The following SS18L1 variants were observed in gnomAD, a reference collection of about 807,000 sequenced individuals.
SS18L1 encodes the protein SS18L1 subunit of BAF chromatin remodeling complex.
SS18L1 carries 32 observed loss-of-function variants against 70.3 expected under a neutral mutation model. The observed-to-expected ratio is 0.46, with a 90% CI of 0.34 to 0.61. The LOEUF (loss-of-function observed/expected upper bound fraction) is 0.61, where lower values mean the gene tolerates loss of function less well. SS18L1 is among the 20% of genes least tolerant of loss of function. The pLI, the probability that SS18L1 is intolerant of heterozygous loss-of-function variation, is 0.01. For missense variants in SS18L1, 430 were observed against 542.1 expected (o/e 0.79, Z 2.05); for synonymous variants, 237 against 229.7 (o/e 1.03, Z -0.29).
intron 10 of SS18L1, chr20:62,175,370 C>T: frequency 1.0e-6 from 1 of 985,358 alleles, no homozygotes; most frequent in Non-Finnish European, 1.2e-6. Context: ...TGGGATGGGG[C>T]CCCTGGAGGA....
Position 62,159,011 on chromosome 20 carries a change from G to A in SS18L1, c.146+263G>A, listed in dbSNP as rs1274197036. 18 of 1,497,164 alleles carry A rather than the reference G, an allele frequency of 1.2e-5. No individual in the cohort carries two copies. The highest frequency in any genetic ancestry group is 8.9e-5 in the Admixed American group (5 of 56,072). 92.7% of individuals were successfully genotyped at this position (1,497,164 alleles called of 1,614,324 possible). ...GTCCCGAGAGTCCCCCAGCACGGAGGCCAGATATGTCCCGAGAGTCCCCCA... is the reference window on the plus strand; with the variant it reads ...GTCCCGAGAGTCCCCCAGCACGGAGACCAGATATGTCCCGAGAGTCCCCCA... On this transcript the variant is annotated intron_variant, in intron 2 of 10. Transcript: ENST00000331758. This position sits in a 1 kb window ranked among gnomAD's most constrained non-coding sequence, Gnocchi z 4.4.
intron 1 of SS18L1, among the ~76,000 whole-genome samples, chr20:62,151,112 T>C (rs570118766): frequency 8.5e-5 from 13 of 152,134 alleles, no homozygotes; most frequent in Middle Eastern, 3.2e-3. Context: ...CAGGTTGTCA[T>C]TGGGGAGAGA....
Position 62,163,724 on chromosome 20 carries a change from C to T in SS18L1, c.721+102C>T, listed in dbSNP as rs558165599. The T allele has an allele frequency of 2.8e-4, 394 of 1,415,682 alleles. 2 individuals are homozygous for T. The Middle Eastern group carries it at 4.6e-3, about 17-fold the overall frequency. The allele number at this position is 1,415,682 out of a possible 1,614,324, so 87.7% of individuals were successfully genotyped here. A position where few individuals can be genotyped will look rare whatever the true frequency, so the allele number is the denominator to read the frequency against. ...CTTCGGGGAGCCTGGGGGAGTGAGG[C>T]GGGGAGCCTGGGGGAGTGAGGCTTG... is the stretch of plus-strand genomic sequence containing the variant. On this transcript the variant is annotated intron_variant, in intron 6 of 10. Coordinates refer to ENST00000331758, the MANE Select transcript of SS18L1 (RefSeq NM_198935.3).
At position 62,180,116 on chromosome 20, in the gene SS18L1, AC is replaced by A. The variant is rs1382409873; in HGVS notation, c.*910del. 1 of 209,840 alleles carries A rather than the reference AC, an allele frequency of 4.8e-6. No homozygotes were observed. The highest frequency in any genetic ancestry group is 9.7e-6 in the Non-Finnish European group (1 of 103,470). The allele number at this position is 209,840 out of a possible 1,614,324, so 13.0% of individuals were successfully genotyped here. The stretch of plus-strand genomic sequence containing the variant: ...TTGATAGGTAATTTTAAATATTCAA[AC>A]CAAATCTTCCCAACAGTTGGCAAGT... On this transcript the variant is annotated 3_prime_UTR_variant, in exon 11 of 11. Coordinates refer to ENST00000331758, the MANE Select transcript of SS18L1 (RefSeq NM_198935.3).
intron 1 of SS18L1, among the ~76,000 whole-genome samples, chr20:62,149,009 C>T (rs997274208): frequency 1.6e-4 from 24 of 152,250 alleles, no homozygotes; most frequent in African/African-American, 5.5e-4. Flanking sequence ...GCCGGCGGTC[C>T]TGCGGGTGCT....
Position 62,167,068 on chromosome 20 carries a change from C to T in SS18L1, c.916+1554C>T, listed in dbSNP as rs192225979. Reference sequence around the variant, plus strand: ...TTTTTTTTTTTTTTTTTTTTTGAGACGGAGTCTCACTCTGTCGCCGAGGCT... The same window carrying T: ...TTTTTTTTTTTTTTTTTTTTTGAGATGGAGTCTCACTCTGTCGCCGAGGCT... On this transcript the variant is annotated intron_variant, in intron 8 of 10. Transcript: ENST00000331758. Among the ~76,000 whole-genome samples the T allele has an allele frequency of 4.7e-3, 372 of 78,838 alleles. 11 individuals carry two copies. The highest frequency in any genetic ancestry group is 0.046 in the Admixed American group (296 of 6,412). 51.7% of individuals were successfully genotyped at this position (78,838 alleles called of 152,430 possible).
chr20:62,148,047 GCCT>G (rs1270717310), intron 1 of SS18L1, among the ~76,000 whole-genome samples: 1 of 152,196 alleles, frequency 6.6e-6, no homozygotes, highest in Non-Finnish European at 1.5e-5. Context: ...GGGATGCCGA[GCCT>G]CCCTTGCATG....
In SS18L1 at chr20:62,174,941, T is replaced by A; in HGVS notation, c.1164+297T>A. ...TCACGTACTGGGTACGCGTCCGGTC[T>A]CTGCTGAGTGCTTGGTGTGTGGCCG... On this transcript the variant is annotated intron_variant, in intron 10 of 10. Transcript: ENST00000331758. This position sits in a 1 kb window ranked among gnomAD's most constrained non-coding sequence, Gnocchi z 4.1. 1.0e-6 allele frequency: 1 copy of A among 980,940 alleles called. No individual in the cohort carries two copies. Among genetic ancestry groups the A allele is most frequent in the Non-Finnish European group, 1.2e-6 (1 of 825,830 alleles). 60.8% of individuals were successfully genotyped at this position (980,940 alleles called of 1,614,324 possible). A position where few individuals can be genotyped will look rare whatever the true frequency, so the allele number is the denominator to read the frequency against.
chr20:62,168,023 T>C (rs1266766974), intron 8 of SS18L1, among the ~76,000 whole-genome samples: 1 of 145,898 alleles, frequency 6.9e-6, no homozygotes, highest in African/African-American at 2.6e-5. Flanking sequence ...AGAGATAAGG[T>C]CTTGCCATGT....
chr20:62,145,885 GT>G (rs1312037825), intron 1 of SS18L1, among the ~76,000 whole-genome samples: 1 of 152,246 alleles, frequency 6.6e-6, no homozygotes, highest in Non-Finnish European at 1.5e-5. Flanking sequence ...TGTGTCCACA[GT>G]GTGTGCTGGT....
intron 9 of SS18L1, among the ~76,000 whole-genome samples, chr20:62,173,448 G>A (rs937565539): frequency 5.9e-5 from 9 of 151,936 alleles, no homozygotes; most frequent in Non-Finnish European, 8.8e-5. Context: ...GGTGGCTCAC[G>A]CCTATAATCC....
Position 62,165,480 on chromosome 20 carries a change from C to T in SS18L1, c.882C>T (p.Ser294=). The T allele has an allele frequency of 1.2e-6, 2 of 1,613,040 alleles. No homozygotes were observed. The highest frequency in any genetic ancestry group is 1.7e-6 in the Non-Finnish European group (2 of 1,179,854). ...ACACGGAGCAGAGCTACGACCGGTC[C>T]TTCGAGGAGTCCACGCAGCACTACT... ...SSYTEQSYDR[S]FEESTQHYYE... The change falls in exon 8 of 11, where the codon TCC becomes TCT. Residue 294 remains serine, a synonymous_variant. Transcript: ENST00000331758.
At chr20:62,167,011 A>C (rs1052399842) in intron 8 of SS18L1, among the ~76,000 whole-genome samples, 61 of 145,070 alleles carry the variant, frequency 4.2e-4, no homozygotes, top group Non-Finnish European at 7.5e-4. Flanking sequence ...AGGCCAGTGG[A>C]GGAGGATTGC....
At chr20:62,160,664 C>T (rs1182290262) in intron 3 of SS18L1, among the ~76,000 whole-genome samples, 1 of 152,206 alleles carries the variant, frequency 6.6e-6, no homozygotes. Flanking sequence ...GGTTCCGGGA[C>T]AGACATGTCG....
At chr20:62,178,943 G>C (rs6142979) in intron 10 of SS18L1, among the ~76,000 whole-genome samples, 6 of 152,232 alleles carry the variant, frequency 3.9e-5, no homozygotes, top group African/African-American at 1.4e-4. Flanking sequence ...GCCTGGCACA[G>C]GCCCGGCCGC....
chr20:62,181,733 A>C lies in SS18L1; in HGVS notation c.*2525A>C, dbSNP rs1239221197. 1 of 223,760 alleles carries C rather than the reference A, an allele frequency of 4.5e-6. No individual in the cohort carries two copies. Among genetic ancestry groups the C allele is most frequent in the Admixed American group, 5.7e-5 (1 of 17,474 alleles). 13.9% of individuals were successfully genotyped at this position (223,760 alleles called of 1,614,324 possible). ...CATTTTTATGTAATATTATGGGGAA[A>C]GTGATGCCAGCAGTTCCTTTTCATT... On this transcript the variant is annotated 3_prime_UTR_variant, in exon 11 of 11. Coordinates refer to ENST00000331758, the MANE Select transcript of SS18L1 (RefSeq NM_198935.3).
intron 1 of SS18L1, among the ~76,000 whole-genome samples, chr20:62,146,086 A>G (rs758282776): frequency 9.2e-5 from 14 of 152,128 alleles, no homozygotes; most frequent in Non-Finnish European, 1.3e-4. Flanking sequence ...ACTTGTCCTT[A>G]CAGCATTCTG....
intron 1 of SS18L1, among the ~76,000 whole-genome samples, chr20:62,146,223 G>A (rs1054253250): frequency 3.3e-5 from 5 of 152,180 alleles, no homozygotes; most frequent in African/African-American, 7.2e-5. Flanking sequence ...CTCATGCTCC[G>A]TCGGCAGTCA....
In SS18L1 at chr20:62,182,379, A is replaced by C. The variant is rs1016099122; in HGVS notation, c.*3171A>C. On this transcript the variant is annotated 3_prime_UTR_variant, in exon 11 of 11. Coordinates refer to ENST00000331758, the MANE Select transcript of SS18L1 (RefSeq NM_198935.3). The stretch of plus-strand genomic sequence containing the variant: ...GTCTTGTTATTTGTGAGTACAGTAC[A>C]TTTAAAAAACATCCTTATCGGTTAT... 2 of 204,442 alleles carry C rather than the reference A, an allele frequency of 9.8e-6. No homozygotes were observed. The highest frequency in any genetic ancestry group is 2.0e-5 in the Non-Finnish European group (2 of 100,358). 12.7% of individuals were successfully genotyped at this position (204,442 alleles called of 1,614,324 possible).
Sources: gnomAD v4.1 joint callset for allele counts (sites outside exome capture counted in the v4.1 genomes callset) on GRCh38, gnomAD v4.1.1 for gene constraint, Gnocchi (gnomAD v3.1) non-coding constraint, MANE v1.5 for transcripts, NCBI Gene and HGNC (gene_info 2026-07-23, HGNC 2026-07-21) for gene names.